The following KIF7 variants were observed in gnomAD, a reference collection of about 807,000 sequenced individuals.
KIF7 encodes the protein kinesin family member 7, also known as kinesin-like protein KIF7.
A neutral mutation model predicts 135.7 loss-of-function variants in KIF7; 104 were observed. The observed-to-expected ratio is 0.77, with a 90% CI of 0.65 to 0.90. KIF7 has a LOEUF of 0.90. Among genes scored for constraint, KIF7 ranks in the 40% least tolerant of loss-of-function variants. The probability of loss-of-function intolerance (pLI) is 0.00; values close to 1 mark genes in which losing one functional copy is unlikely to be tolerated. For synonymous variants in KIF7, 883 were observed against 809.4 expected, an observed-to-expected ratio of 1.09 and a Z score of -1.54; for missense variants, 2,005 against 1,839.1, an observed-to-expected ratio of 1.09 and a Z score of -1.65.
upstream of KIF7, among the ~76,000 whole-genome samples, chr15:89,660,023 C>A (rs1260012956): frequency 6.6e-6 from 1 of 152,110 alleles, no homozygotes; most frequent in Non-Finnish European, 1.5e-5. Flanking sequence ...ATGCTGAAAA[C>A]CCATCTCTAC....
At chr15:89,621,442 T>G (rs768987115) in intron 1 of KIF7, 4 of 1,613,892 alleles carry the variant, frequency 2.5e-6, no homozygotes, top group Non-Finnish European at 3.4e-6. Flanking sequence ...CCAAGAGTCT[T>G]CTTTTTGGGG....
At chr15:89,639,803 A>T (rs1391930833) in intron 11 of KIF7, among the ~76,000 whole-genome samples, 2 of 151,782 alleles carry the variant, frequency 1.3e-5, no homozygotes, top group Admixed American at 1.3e-4. Context: ...TATATACCCA[A>T]AGGACTATAA....
intron 6 of KIF7, 79 bp downstream of exon 6, chr15:89,647,517 C>T (rs1171080358): frequency 1.6e-6 from 2 of 1,276,498 alleles, no homozygotes; most frequent in African/African-American, 2.9e-5. Context: ...AACTCCCTCC[C>T]ATCCTGAGAA....
intron 11 of KIF7, 104 bp from the exon 12 acceptor site, chr15:89,633,987 G>A (rs1177472572): frequency 9.0e-6 from 11 of 1,219,348 alleles, no homozygotes; most frequent in Admixed American, 5.2e-5. Context: ...CAAATGGGTA[G>A]GTGGGTGATA....
At chr15:89,638,405 T>A (rs1963854085) in intron 11 of KIF7, among the ~76,000 whole-genome samples, 2 of 149,028 alleles carry the variant, frequency 1.3e-5, no homozygotes, top group African/African-American at 2.5e-5. Flanking sequence ...AACCCCATTG[T>A]CTCAGCCCAA....
At chr15:89,653,822 G>T (rs1256468146) in intron 1 of KIF7, among the ~76,000 whole-genome samples, 2 of 151,942 alleles carry the variant, frequency 1.3e-5, no homozygotes, top group African/African-American at 4.8e-5. Flanking sequence ...TGCCCAGGCT[G>T]GTCTTGAACT....
intron 1 of KIF7, chr15:89,619,848 A>G (rs867538201): frequency 1.2e-6 from 2 of 1,603,928 alleles, no homozygotes; most frequent in Non-Finnish European, 1.7e-6. Context: ...GTCAGGTAAC[A>G]TACGGGCCCC....
chr15:89,638,791 CTACTT>C (rs1236969088), intron 11 of KIF7, among the ~76,000 whole-genome samples: 1 of 152,108 alleles, frequency 6.6e-6, no homozygotes, highest in Non-Finnish European at 1.5e-5. Context: ...TTGGAAAAAA[CTACTT>C]TAAAGTTCAT....
Position 89,648,996 on chromosome 15 carries a change from A to G in KIF7, c.901T>C (p.Tyr301His). The G allele has an allele frequency of 1.9e-6, 3 of 1,544,258 alleles. No homozygotes were observed. The highest frequency in any genetic ancestry group is 2.6e-6 in the Non-Finnish European group (3 of 1,144,534). ...DPQRRGSHIPYRDSKITRILK... is the reference protein window; with the variant it reads ...DPQRRGSHIPHRDSKITRILK... ...CACCGGGTGATCTTGGAGTCGCGGT[A>G]GGGTATGTGGCTGCCCCGGCGCTGA... Residue 301 changes from tyrosine (Y) to histidine (H), a missense_variant, in exon 4 of 19, where the codon TAC becomes CAC. Physicochemically the swap from Tyr to His is moderately conservative, Grantham distance 83 (BLOSUM62 2). Coordinates refer to ENST00000394412, the MANE Select transcript of KIF7 (RefSeq NM_198525.3).
chr15:89,621,772 A>G (rs1385227428), intron 1 of KIF7, among the ~76,000 whole-genome samples: 1 of 152,120 alleles, frequency 6.6e-6, no homozygotes, highest in Non-Finnish European at 1.5e-5. Context: ...AGGAGGAGAT[A>G]GAGAGGATCT....
At chr15:89,645,678 C>T (rs1963999397) in intron 8 of KIF7, among the ~76,000 whole-genome samples, 1 of 152,148 alleles carries the variant, frequency 6.6e-6, no homozygotes, top group Non-Finnish European at 1.5e-5. Context: ...GTCAGGAGGC[C>T]TGGGCCCACC....
downstream of KIF7, chr15:89,626,998 C>T (rs760951358): frequency 6.2e-7 from 1 of 1,614,144 alleles, no homozygotes; most frequent in Non-Finnish European, 8.5e-7. Context: ...GAAGACTCTC[C>T]TTTCAGTCGC....
rs185834270 is a variant in KIF7 at position 89,632,474 on chromosome 15, G to A, written c.2895+346C>T. 2.4e-3 allele frequency among the ~76,000 whole-genome samples: 367 copies of A among 152,318 alleles called. 2 individuals carry two copies. Among genetic ancestry groups the A allele is most frequent in the Middle Eastern group, 6.8e-3 (2 of 294 alleles). ...GGGTTAATGAGTGAAATGAATTGGA[G>A]GATGGACACTTAAGAGAGGTTCTTC... is the stretch of plus-strand genomic sequence containing the variant. On this transcript the variant is annotated intron_variant, in intron 14 of 18. Transcript: ENST00000394412.
In KIF7 at chr15:89,647,585, G is replaced by C. The variant is rs748805814; in HGVS notation, c.1560+11C>G. The C allele has an allele frequency of 6.2e-7, 1 of 1,607,484 alleles. No homozygotes were observed. The highest frequency in any genetic ancestry group is 8.5e-7 in the Non-Finnish European group (1 of 1,176,762). On this transcript the variant is annotated intron_variant, in intron 6 of 18. Transcript: ENST00000394412. ...GGAAGCCTTCCCCGCACTGTGAAGC[G>C]GGCGCCGCACCTGCAGTTTGTACTG...
chr15:89,652,671 T>C lies in KIF7; in HGVS notation c.260A>G (p.Asn87Ser). The C allele has an allele frequency of 3.2e-6, 5 of 1,551,178 alleles. No homozygotes were observed. The highest frequency in any genetic ancestry group is 3.9e-5 in the Admixed American group (2 of 50,994). Residue 87 changes from asparagine to serine, a missense_variant, in exon 2 of 19, where the codon AAT becomes AGT. Transcript: ENST00000394412. ...PLLEAFFEGF[N>S]ATVFAYGQTG... is the part of the protein sequence containing the mutation. ...CTGACCATAGGCAAAGACAGTGGCA[T>C]TGAAGCCCTCGAAGAAGGCCTCAAG...
At chr15:89,643,683 G>A (rs1489665173) in intron 10 of KIF7, among the ~76,000 whole-genome samples, 19 of 152,264 alleles carry the variant, frequency 1.2e-4, no homozygotes, top group East Asian at 3.9e-4. Flanking sequence ...TCAAGAGATC[G>A]AGACCATCCT....
chr15:89,662,131 C>A, the KIF7 span, among the ~76,000 whole-genome samples: 1 of 152,172 alleles, frequency 6.6e-6, no homozygotes, highest in African/African-American at 2.4e-5. Context: ...ACAATGAGCA[C>A]TGAAGCACAA....
In KIF7 at chr15:89,652,616, C is replaced by T; in HGVS notation, c.315G>A (p.Gly105=). ...AGGGTCACTCACCCACACTGGCCTCCCCCATGGTGTATGTCTTCCCTGAGC... is the reference window on the plus strand; with the variant it reads ...AGGGTCACTCACCCACACTGGCCTCTCCCATGGTGTATGTCTTCCCTGAGC... ...QTGSGKTYTM[G]EASVASLLED... Residue 105 remains glycine (G), a synonymous_variant, in exon 2 of 19, where the codon GGG becomes GGA. Coordinates refer to ENST00000394412, the MANE Select transcript of KIF7 (RefSeq NM_198525.3). 1 of 1,531,360 alleles carries T rather than the reference C, an allele frequency of 6.5e-7. No individual in the cohort carries two copies. Among genetic ancestry groups the T allele is most frequent in the East Asian group, 2.5e-5 (1 of 40,524 alleles). The allele number at this position is 1,531,360 out of a possible 1,614,324, so 94.9% of individuals were successfully genotyped here. A position where few individuals can be genotyped will look rare whatever the true frequency, so the allele number is the denominator to read the frequency against.
At chr15:89,639,215 T>C (rs1035127136) in intron 11 of KIF7, among the ~76,000 whole-genome samples, 4 of 152,116 alleles carry the variant, frequency 2.6e-5, no homozygotes, top group Admixed American at 6.6e-5. Flanking sequence ...CATTACCATT[T>C]AGGACATAGG....
Sources: gnomAD v4.1 joint callset for allele counts (sites outside exome capture counted in the v4.1 genomes callset) on GRCh38, gnomAD v4.1.1 for gene constraint, MANE v1.5 for transcripts, NCBI Gene and HGNC (gene_info 2026-07-23, HGNC 2026-07-21) for gene names.